CENPP: variants seen among roughly 807,000 people sequenced by gnomAD.
The protein encoded by CENPP is centromere protein P.
Under a neutral mutation model 35.6 loss-of-function variants are expected in CENPP, and 24 were observed. The observed-to-expected ratio is 0.67, with a 90% CI of 0.49 to 0.95. CENPP has a LOEUF of 0.95. Among genes scored for constraint, CENPP ranks in the 40% least tolerant of loss-of-function variants. The pLI, the probability that CENPP is intolerant of heterozygous loss-of-function variation, is 0.00. For synonymous variants in CENPP, 120 were observed against 125.5 expected, an observed-to-expected ratio of 0.96 and a Z score of 0.29; for missense variants, 332 against 345.3, an observed-to-expected ratio of 0.96 and a Z score of 0.31.
At chr9:92,414,716 G>A (rs1204328065) in intron 5 of CENPP, 1 of 213,962 alleles carries the variant, frequency 4.7e-6, no homozygotes, top group African/African-American at 2.3e-5. Flanking sequence ...TTAAATGAAT[G>A]CTTGTTACAT....
intron 5 of CENPP, chr9:92,456,676 T>G (rs1844890741): frequency 6.5e-6 from 1 of 153,024 alleles, no homozygotes; most frequent in Non-Finnish European, 1.5e-5. Flanking sequence ...TGAGTAGCAT[T>G]TATCAAGTTG....
intron 5 of CENPP, chr9:92,414,399 A>T (rs1843527456): frequency 4.9e-6 from 1 of 204,360 alleles, no homozygotes; most frequent in African/African-American, 2.3e-5. Flanking sequence ...GGAACACAAT[A>T]ACATTGTTTA....
At chr9:92,561,950 A>T (rs1396431218) in intron 5 of CENPP, among the ~76,000 whole-genome samples, 1 of 152,198 alleles carries the variant, frequency 6.6e-6, no homozygotes, top group East Asian at 1.9e-4. Flanking sequence ...CTGAAGTGTC[A>T]CAGAAGCTAA....
At chr9:92,471,437 C>A (rs757955815) in intron 5 of CENPP, among the ~76,000 whole-genome samples, 4 of 151,862 alleles carry the variant, frequency 2.6e-5, no homozygotes, top group Non-Finnish European at 4.4e-5. Context: ...CCTCGTGATT[C>A]GCCTGACTGG....
intron 5 of CENPP, among the ~76,000 whole-genome samples, chr9:92,540,827 A>G (rs548669423): frequency 6.6e-6 from 1 of 152,244 alleles, no homozygotes; most frequent in African/African-American, 2.4e-5. Context: ...CTGGACCTAG[A>G]TCAGGAGATA....
At chr9:92,567,401 T>TATATATAG (rs1554688339) in intron 5 of CENPP, among the ~76,000 whole-genome samples, 1 of 124,366 alleles carries the variant, frequency 8.0e-6, no homozygotes, top group Non-Finnish European at 1.8e-5. Context: ...TATATAGATA[T>TATATATAG]ATATATAAAG....
chr9:92,399,605 C>T (rs1843026764), intron 5 of CENPP, among the ~76,000 whole-genome samples: 1 of 152,140 alleles, frequency 6.6e-6, no homozygotes, highest in Non-Finnish European at 1.5e-5. Flanking sequence ...TTGAGGCACC[C>T]TGCACCCAGA....
chr9:92,536,412 G>T (rs987553), intron 5 of CENPP, among the ~76,000 whole-genome samples: 57,600 of 151,874 alleles, frequency 0.38, 13,643 homozygotes, highest in African/African-American at 0.67. Context: ...TGTATATCTG[G>T]AATCTATTTT....
intron 5 of CENPP, chr9:92,457,320 T>G: frequency 6.2e-7 from 1 of 1,614,040 alleles, no homozygotes; most frequent in Non-Finnish European, 8.5e-7. Context: ...TGAACGCTCA[T>G]TCTGCTCAAA....
At chr9:92,553,585 G>A (rs1849660263) in intron 5 of CENPP, among the ~76,000 whole-genome samples, 1 of 152,060 alleles carries the variant, frequency 6.6e-6, no homozygotes, top group South Asian at 2.1e-4. Flanking sequence ...ATTTCTTTCA[G>A]CAGTGTTTTG....
intron 5 of CENPP, among the ~76,000 whole-genome samples, chr9:92,387,393 A>C (rs1588082222): frequency 6.6e-6 from 1 of 151,796 alleles, no homozygotes; most frequent in South Asian, 2.1e-4. Flanking sequence ...AAAAAAAAAA[A>C]TGTGTTCTTA....
chr9:92,535,144 G>T (rs1175535777), intron 5 of CENPP, among the ~76,000 whole-genome samples: 2 of 129,340 alleles, frequency 1.5e-5, no homozygotes, highest in Non-Finnish European at 3.5e-5. Context: ...AATCTAAATA[G>T]ATAGGCACAG....
rs61233585 is a variant in CENPP at position 92,352,467 on chromosome 9, C to CTGTGTGTGTGTGTG, written c.467+6706_467+6719dup. Among the ~76,000 whole-genome samples the CTGTGTGTGTGTGTG allele has an allele frequency of 6.0e-3, 428 of 71,270 alleles. 13 individuals are homozygous for CTGTGTGTGTGTGTG. Among genetic ancestry groups the CTGTGTGTGTGTGTG allele is most frequent in the African/African-American group, 0.011 (114 of 10,200 alleles). 46.8% of individuals were successfully genotyped at this position (71,270 alleles called of 152,430 possible). ...TTCTCTCAAGCCTGTTGCTTAAAGC[C>CTGTGTGTGTGTGTG]TGTGTGTGTGTGTGTGTGTGTGTGT... On this transcript the variant is annotated intron_variant, in intron 4 of 7. Coordinates refer to ENST00000375587, the MANE Select transcript of CENPP (RefSeq NM_001012267.3).
At chr9:92,408,092 A>G (rs1843355010) in intron 5 of CENPP, among the ~76,000 whole-genome samples, 1 of 152,182 alleles carries the variant, frequency 6.6e-6, no homozygotes, top group Non-Finnish European at 1.5e-5. Context: ...GAATGCTACA[A>G]ACCAGAAGAG....
At chr9:92,511,898 G>A (rs1847367181) in intron 5 of CENPP, 2 of 706,172 alleles carry the variant, frequency 2.8e-6, no homozygotes, top group Admixed American at 6.1e-5. Flanking sequence ...AACTTTCTTA[G>A]AAGAAGACTA....
At chr9:92,511,168 C>G (rs1847313089) in intron 5 of CENPP, among the ~76,000 whole-genome samples, 1 of 152,174 alleles carries the variant, frequency 6.6e-6, no homozygotes, top group Non-Finnish European at 1.5e-5. Context: ...CTCTGTCGCC[C>G]AGGCTGGAGT....
intron 5 of CENPP, among the ~76,000 whole-genome samples, chr9:92,391,125 G>A (rs868238044): frequency 2.6e-5 from 4 of 151,884 alleles, no homozygotes; most frequent in African/African-American, 9.7e-5. Flanking sequence ...GGCCAGGCGC[G>A]GTGGCTCACA....
rs746914731 is a variant in CENPP at position 92,332,358 on chromosome 9, A to AT, written c.289+15dup. ...ACTGAGATGACAGAAAAGAGTAAGC[A>AT]TTTTTTTTAAATCTAGACATAGTAT... On this transcript the variant is annotated splice_region_variant and intron_variant, in intron 2 of 7. Transcript: ENST00000375587. 1.1e-4 allele frequency: 170 copies of AT among 1,548,664 alleles called. 1 individual carries two copies. The highest frequency in any genetic ancestry group is 8.9e-4 in the East Asian group (38 of 42,896).
Position 92,619,964 on chromosome 9 carries a change from G to A in CENPP, c.*6815G>A. On this transcript the variant is annotated 3_prime_UTR_variant, in exon 8 of 8. Coordinates refer to ENST00000375587, the MANE Select transcript of CENPP (RefSeq NM_001012267.3). ...AGTGAGTATCACTCGACACCTGCAAGGAGAGCGCAGGGGGTGTTCAGCAAG... is the reference window on the plus strand; with the variant it reads ...AGTGAGTATCACTCGACACCTGCAAAGAGAGCGCAGGGGGTGTTCAGCAAG... The A allele has an allele frequency of 4.2e-6, 1 of 238,690 alleles. No individual in the cohort carries two copies. Among genetic ancestry groups the A allele is most frequent in the Non-Finnish European group, 8.7e-6 (1 of 114,856 alleles). 14.8% of individuals were successfully genotyped at this position (238,690 alleles called of 1,614,324 possible). A position where few individuals can be genotyped will look rare whatever the true frequency, so the allele number is the denominator to read the frequency against.
Sources: gnomAD v4.1 joint callset for allele counts (sites outside exome capture counted in the v4.1 genomes callset) on GRCh38, gnomAD v4.1.1 for gene constraint, MANE v1.5 for transcripts, NCBI Gene and HGNC (gene_info 2026-07-23, HGNC 2026-07-21) for gene names.